The following TMEM132D variants were observed in gnomAD, a reference collection of about 807,000 sequenced individuals.
The protein encoded by TMEM132D is transmembrane protein 132D.
TMEM132D carries 21 observed loss-of-function variants against 62.3 expected under a neutral mutation model. The observed-to-expected ratio is 0.34, with a 90% confidence interval of 0.24 to 0.49. The LOEUF is 0.49. TMEM132D is among the 20% of genes least tolerant of loss of function. The pLI is 0.99. For synonymous variants in TMEM132D, 621 were observed against 575.6 expected, an observed-to-expected ratio of 1.08 and a Z score of -1.13; for missense variants, 1,346 against 1,402.8, an observed-to-expected ratio of 0.96 and a Z score of 0.65.
chr12:129,662,907 A>AT (rs1462520925), intron 2 of TMEM132D, among the ~76,000 whole-genome samples: 1 of 151,944 alleles, frequency 6.6e-6, no homozygotes, highest in African/African-American at 2.4e-5. Context: ...AATAATGATT[A>AT]TTTTTCTCAT....
At chr12:129,901,463 C>A (rs558231645) in intron 1 of TMEM132D, among the ~76,000 whole-genome samples, 36 of 152,314 alleles carry the variant, frequency 2.4e-4, no homozygotes, top group Non-Finnish European at 4.6e-4. Context: ...AATTGCTGTA[C>A]AAAGTCTCCA....
chr12:129,280,458 T>C (rs1881111556), intron 4 of TMEM132D, among the ~76,000 whole-genome samples: 1 of 152,256 alleles, frequency 6.6e-6, no homozygotes, highest in South Asian at 2.1e-4. Context: ...TAATATAAGA[T>C]TTGCTTTTTT....
rs564249858 is a variant in TMEM132D at position 129,220,356 on chromosome 12, C to T, written c.1300-10693G>A. Among the ~76,000 whole-genome samples, 51 of 152,300 alleles carry T rather than the reference C, an allele frequency of 3.3e-4. 1 individual carries two copies. The South Asian group carries it at 9.5e-3, about 28-fold the overall frequency. ...CACTTCCTTTTCCCCACGTTGGAAA[C>T]GAAATCTCACACAGGTGCATCCAGT... On this transcript the variant is annotated intron_variant, in intron 4 of 8. Coordinates refer to ENST00000422113, the MANE Select transcript of TMEM132D (RefSeq NM_133448.3).
rs559113560 is a variant in TMEM132D, at chr12:129,259,259, C to T, written c.1300-49596G>A. On this transcript the variant is annotated intron_variant, in intron 4 of 8. Transcript: ENST00000422113. The stretch of plus-strand genomic sequence containing the variant: ...AGGCTGAGCATCAGCAGTATCCATA[C>T]GGTGAGTGTTGGAAGCTCATCTGGT... Among the ~76,000 whole-genome samples, 22 of 152,272 alleles carry T rather than the reference C, an allele frequency of 1.4e-4. No homozygotes were observed. The South Asian group carries it at 2.7e-3, about 19-fold the overall frequency.
intron 5 of TMEM132D, among the ~76,000 whole-genome samples, chr12:129,088,809 CTGACCGGGTGTCCTCCA>C (rs1874778994): frequency 3.2e-5 from 1 of 31,264 alleles, no homozygotes; most frequent in Non-Finnish European, 6.2e-5. Context: ...GGTGTCCTCC[CTGACCGGGTGTCCTCCA>C]TGACCGGGAT....
intron 2 of TMEM132D, among the ~76,000 whole-genome samples, chr12:129,555,626 A>C (rs975489360): frequency 3.3e-5 from 5 of 152,348 alleles, no homozygotes; most frequent in Non-Finnish European, 7.4e-5. Flanking sequence ...ACTAATTGTC[A>C]GGGAAAGATA....
chr12:129,453,117 A>G (rs906977904), intron 3 of TMEM132D, among the ~76,000 whole-genome samples: 3 of 152,228 alleles, frequency 2.0e-5, no homozygotes, highest in Non-Finnish European at 4.4e-5. Flanking sequence ...TAGGTTGTGC[A>G]TTCCTTATCA....
Position 129,899,435 on chromosome 12 carries a change from A to G in TMEM132D, c.79+3826T>C, listed in dbSNP as rs372289806. 1.7e-3 allele frequency among the ~76,000 whole-genome samples: 238 copies of G among 142,998 alleles called. 9 individuals are homozygous for G. Among genetic ancestry groups the G allele is most frequent in the African/African-American group, 5.3e-3 (210 of 39,816 alleles). 93.8% of individuals were successfully genotyped at this position (142,998 alleles called of 152,430 possible). Reference sequence around the variant, plus strand: ...GATGGATGGATGGATGGATGGATGGATGGGTGGATGGGTAGATGGACTGGT... The same window carrying G: ...GATGGATGGATGGATGGATGGATGGGTGGGTGGATGGGTAGATGGACTGGT... On this transcript the variant is annotated intron_variant, in intron 1 of 8. Coordinates refer to ENST00000422113, the MANE Select transcript of TMEM132D (RefSeq NM_133448.3).
chr12:129,572,586 T>TA (rs1458213046), intron 2 of TMEM132D, among the ~76,000 whole-genome samples: 6 of 152,120 alleles, frequency 3.9e-5, no homozygotes. Flanking sequence ...GTAGCTGGGA[T>TA]TACTAGGCAT....
chr12:129,828,840 A>G (rs1201994830), intron 1 of TMEM132D, among the ~76,000 whole-genome samples: 1 of 142,726 alleles, frequency 7.0e-6, no homozygotes, highest in Non-Finnish European at 1.5e-5. Flanking sequence ...GAAGAGAAGG[A>G]TGAAAGGTAT....
At chr12:129,101,085 C>T (rs552729517) in intron 5 of TMEM132D, among the ~76,000 whole-genome samples, 224 of 151,316 alleles carry the variant, frequency 1.5e-3, no homozygotes, top group African/African-American at 5.1e-3. Flanking sequence ...GTGCAGTCGG[C>T]GGCAGAGATT....
chr12:129,655,832 T>C (rs1880058025), intron 2 of TMEM132D, among the ~76,000 whole-genome samples: 1 of 152,182 alleles, frequency 6.6e-6, no homozygotes, highest in African/African-American at 2.4e-5. Flanking sequence ...TGCTATATTA[T>C]GAAAGAAATG....
intron 1 of TMEM132D, among the ~76,000 whole-genome samples, chr12:129,895,703 C>T (rs1875087234): frequency 6.6e-6 from 1 of 152,116 alleles, no homozygotes; most frequent in Non-Finnish European, 1.5e-5. Context: ...CCAATATATT[C>T]ACGAAGTCAA....
intron 3 of TMEM132D, among the ~76,000 whole-genome samples, chr12:129,492,455 A>G (rs1874824464): frequency 6.6e-6 from 1 of 152,248 alleles, no homozygotes; most frequent in African/African-American, 2.4e-5. Flanking sequence ...ACATCAGATC[A>G]TTAAATACAC....
intron 3 of TMEM132D, among the ~76,000 whole-genome samples, chr12:129,520,214 T>C (rs1875810473): frequency 6.6e-6 from 1 of 152,166 alleles, no homozygotes; most frequent in East Asian, 1.9e-4. Context: ...TGCGTTTAGC[T>C]GGAGAGAACA....
intron 5 of TMEM132D, among the ~76,000 whole-genome samples, chr12:129,158,175 A>G (rs1293772736): frequency 2.6e-5 from 4 of 152,190 alleles, no homozygotes; most frequent in African/African-American, 9.6e-5. Context: ...GCTTAGAAGA[A>G]TGGTGATAAA....
intron 4 of TMEM132D, among the ~76,000 whole-genome samples, chr12:129,317,261 G>A (rs1040916215): frequency 1.3e-5 from 2 of 152,124 alleles, no homozygotes; most frequent in African/African-American, 4.8e-5. Context: ...CTTTAAAGAG[G>A]TTCTGTTTTG....
chr12:129,127,781 G>T lies in TMEM132D; in HGVS notation c.1444-43079C>A, dbSNP rs1285378091. On this transcript the variant is annotated intron_variant, in intron 5 of 8. Coordinates refer to ENST00000422113, the MANE Select transcript of TMEM132D (RefSeq NM_133448.3). ...GTCTGACCGAGGAGCAGAGGACAGT[G>T]GTTGACACTTTGCACCCGATGCCTC... Among the ~76,000 whole-genome samples, 4 of 152,152 alleles carry T rather than the reference G, an allele frequency of 2.6e-5. No homozygotes were observed. In the East Asian group the frequency reaches 7.7e-4, roughly 29 times the overall value.
At chr12:129,893,088 G>C (rs766824173) in intron 1 of TMEM132D, among the ~76,000 whole-genome samples, 2 of 152,072 alleles carry the variant, frequency 1.3e-5, no homozygotes, top group Non-Finnish European at 2.9e-5. Flanking sequence ...TGTTGGCCAG[G>C]CTGGTCTTGA....
Sources: gnomAD v4.1 joint callset for allele counts (sites outside exome capture counted in the v4.1 genomes callset) on GRCh38, gnomAD v4.1.1 for gene constraint, MANE v1.5 for transcripts, NCBI Gene and HGNC (gene_info 2026-07-23, HGNC 2026-07-21) for gene names.